Variants in ZNF395 observed in about 807,000 individuals in gnomAD.
ZNF395 encodes HD gene regulatory region-binding protein 2.
In ZNF395, 20 loss-of-function variants were observed where a neutral mutation model predicts 57.7. The ratio of observed to expected loss-of-function variants is 0.35; its 90% CI spans 0.24 to 0.50. The LOEUF (loss-of-function observed/expected upper bound fraction) is 0.50. Among genes scored for constraint, ZNF395 ranks in the 20% least tolerant of loss-of-function variants. The probability of loss-of-function intolerance (pLI) is 0.97; values close to 1 mark genes in which losing one functional copy is unlikely to be tolerated. For missense variants in ZNF395, 606 were observed against 671.2 expected (o/e 0.90, Z 1.07); for synonymous variants, 295 against 275.9 (o/e 1.07, Z -0.69).
intron 1 of ZNF395, among the ~76,000 whole-genome samples, chr8:28,374,042 G>A (rs972996401): frequency 2.2e-4 from 34 of 152,250 alleles, no homozygotes; most frequent in Middle Eastern, 6.8e-3. Context: ...TGGTATCAGC[G>A]TTTTTAACAG....
intron 1 of ZNF395, among the ~76,000 whole-genome samples, chr8:28,384,560 G>C (rs1444217872): frequency 6.6e-6 from 1 of 152,172 alleles, no homozygotes. Flanking sequence ...AAGCCCTGGA[G>C]GGAGGGAATC....
In ZNF395 at chr8:28,351,472, C is replaced by G. The variant is rs752015751; in HGVS notation, c.1233+23G>C. On this transcript the variant is annotated intron_variant, in intron 7 of 9. Coordinates refer to ENST00000344423, the MANE Select transcript of ZNF395 (RefSeq NM_018660.3). ...TGATGAGTCAGCTATGAGCCTGAGC[C>G]TCCAGCGAGCCCCGCCCCATACCTG... 3.8e-6 allele frequency: 6 copies of G among 1,561,706 alleles called. No homozygotes were observed. The African/African-American group carries it at 6.8e-5, about 18-fold the overall frequency.
At chr8:28,373,692 G>A (rs535779493) in intron 1 of ZNF395, among the ~76,000 whole-genome samples, 3 of 152,238 alleles carry the variant, frequency 2.0e-5, no homozygotes, top group East Asian at 1.9e-4. Context: ...GGGTTGGGGG[G>A]CGGGAACCAG....
intron 1 of ZNF395, among the ~76,000 whole-genome samples, chr8:28,384,128 T>C (rs1302527158): frequency 2.6e-5 from 4 of 152,152 alleles, no homozygotes; most frequent in African/African-American, 9.7e-5. Flanking sequence ...CTCACTGATG[T>C]GTCCCCCTAA....
intron 4 of ZNF395, among the ~76,000 whole-genome samples, chr8:28,355,739 C>G (rs544870352): frequency 6.6e-6 from 1 of 152,224 alleles, no homozygotes; most frequent in African/African-American, 2.4e-5. Flanking sequence ...AGCTTCACAG[C>G]TAGGTGTCCT....
chr8:28,363,386 C>G (rs1229821318), intron 1 of ZNF395, among the ~76,000 whole-genome samples: 1 of 152,088 alleles, frequency 6.6e-6, no homozygotes, highest in Non-Finnish European at 1.5e-5. Context: ...CCTGCCTCAG[C>G]AGGCAGGCAG....
chr8:28,354,717 A>G (rs1019757615), intron 4 of ZNF395, among the ~76,000 whole-genome samples: 4 of 152,160 alleles, frequency 2.6e-5, no homozygotes, highest in Admixed American at 6.6e-5. Context: ...AGAGATTACT[A>G]CATGTACATG....
At chr8:28,369,298 A>G (rs1365952442) in intron 1 of ZNF395, among the ~76,000 whole-genome samples, 1 of 152,160 alleles carries the variant, frequency 6.6e-6, no homozygotes, top group African/African-American at 2.4e-5. Flanking sequence ...TTGGAACTCA[A>G]ATGTCACTTC....
At position 28,378,393 on chromosome 8, in the gene ZNF395, A is replaced by G. The variant is rs565245829; in HGVS notation, c.-59+8000T>C. Among the ~76,000 whole-genome samples, 196 of 152,196 alleles carry G rather than the reference A, an allele frequency of 1.3e-3. 2 individuals are homozygous for G. The highest frequency in any genetic ancestry group is 2.0e-3 in the Admixed American group (30 of 15,290). ...AGCTGGGACCATGGGCAGGTGTACC[A>G]TCATGCTTGGTTAATTTTTCTATTT... On this transcript the variant is annotated intron_variant, in intron 1 of 9. Transcript: ENST00000344423.
Position 28,360,801 on chromosome 8 carries a change from T to C in ZNF395, c.240+84A>G. On this transcript the variant is annotated intron_variant, in intron 2 of 9. Transcript: ENST00000344423. ...TGCACTCAAAACGGTGCCCAGAGAG[T>C]TTCCGGCCTGTCACTAGGGCACCCC... The C allele has an allele frequency of 3.2e-6, 5 of 1,546,852 alleles. No individual in the cohort carries two copies. The South Asian group carries it at 4.9e-5, about 15-fold the overall frequency.
rs780484489 is a variant in ZNF395, at chr8:28,352,454, G to A, written c.920+119C>T. The A allele has an allele frequency of 1.6e-4, 124 of 765,380 alleles. No individual in the cohort carries two copies. The highest frequency in any genetic ancestry group is 2.6e-4 in the Non-Finnish European group (119 of 460,210). 47.4% of individuals were successfully genotyped at this position (765,380 alleles called of 1,614,324 possible). A position where few individuals can be genotyped will look rare whatever the true frequency, so the allele number is the denominator to read the frequency against. ...CAGGGGGCCAGGAAGAGACACCAGG[G>A]GGTGTTCCCAGCAAGCCACGTTCCT... is the stretch of plus-strand genomic sequence containing the variant. On this transcript the variant is annotated intron_variant, in intron 6 of 9. Transcript: ENST00000344423. This position sits in a 1 kb window ranked among gnomAD's most constrained non-coding sequence, Gnocchi z 4.0.
rs1249033196 is a variant in ZNF395 at position 28,356,631 on chromosome 8, C to G, written c.583+39G>C. ...CACAGAGGATGTTTGTCGTGGGCCT[C>G]TACCATGCCCAGAACCCAGCTGGGC... On this transcript the variant is annotated intron_variant, in intron 4 of 9. Transcript: ENST00000344423. The surrounding 1 kb of genome is among the most constrained non-coding windows in gnomAD (Gnocchi z 4.0). The G allele has an allele frequency of 1.3e-6, 2 of 1,528,684 alleles. No individual in the cohort carries two copies. Among genetic ancestry groups the G allele is most frequent in the South Asian group, 1.1e-5 (1 of 88,232 alleles). The allele number at this position is 1,528,684 out of a possible 1,614,324, so 94.7% of individuals were successfully genotyped here. A position where few individuals can be genotyped will look rare whatever the true frequency, so the allele number is the denominator to read the frequency against.
At position 28,352,424 on chromosome 8, in the gene ZNF395, T is replaced by C. The variant is rs1801727510; in HGVS notation, c.920+149A>G. The C allele has an allele frequency of 1.6e-6, 1 of 628,916 alleles. No homozygotes were observed. The allele number at this position is 628,916 out of a possible 1,614,324, so 39.0% of individuals were successfully genotyped here. ...CAGCAACAATGTTCACCAGGATGTC[T>C]TTCTCAGGGGGCCAGGAAGAGACAC... is the stretch of plus-strand genomic sequence containing the variant. On this transcript the variant is annotated intron_variant, in intron 6 of 9. Coordinates refer to ENST00000344423, the MANE Select transcript of ZNF395 (RefSeq NM_018660.3). This position sits in a 1 kb window ranked among gnomAD's most constrained non-coding sequence, Gnocchi z 4.0.
Position 28,352,483 on chromosome 8 carries a change from A to G in ZNF395, c.920+90T>C. ...GTTCCCAGCAAGCCACGTTCCTGAA[A>G]GCACTGTGGGCTGTGGGTCACAGGG... On this transcript the variant is annotated intron_variant, in intron 6 of 9. Transcript: ENST00000344423. The surrounding 1 kb of genome is among the most constrained non-coding windows in gnomAD (Gnocchi z 4.0). 1 of 1,154,604 alleles carries G rather than the reference A, an allele frequency of 8.7e-7. No homozygotes were observed. Among genetic ancestry groups the G allele is most frequent in the Non-Finnish European group, 1.3e-6 (1 of 788,014 alleles). 71.5% of individuals were successfully genotyped at this position (1,154,604 alleles called of 1,614,324 possible).
In ZNF395 at chr8:28,352,604, T is replaced by G; in HGVS notation, c.889A>C (p.Ile297Leu). The part of the protein sequence containing the change: ...CGKVLRSIVG[I>L]KRHVKALHLG... ...TGGAGGGCTTTGACGTGTCGTTTGA[T>G]GCCCACAATGGAGCGCAGAACTTTG... Residue 297 changes from isoleucine to leucine, a missense_variant, in exon 6 of 10, where the codon ATC becomes CTC. Coordinates refer to ENST00000344423, the MANE Select transcript of ZNF395 (RefSeq NM_018660.3). The surrounding 1 kb of genome is among the most constrained non-coding windows in gnomAD (Gnocchi z 4.0). 1 of 1,614,196 alleles carries G rather than the reference T, an allele frequency of 6.2e-7. No individual in the cohort carries two copies. The highest frequency in any genetic ancestry group is 8.5e-7 in the Non-Finnish European group (1 of 1,180,026).
At chr8:28,369,376 C>G (rs1276295110) in intron 1 of ZNF395, among the ~76,000 whole-genome samples, 1 of 152,142 alleles carries the variant, frequency 6.6e-6, no homozygotes, top group African/African-American at 2.4e-5. Flanking sequence ...AGGATGAGAG[C>G]TACCTGGTGA....
chr8:28,350,224 C>T, intron 7 of ZNF395, 68 bp from the exon 8 acceptor site: 1 of 1,340,666 alleles, frequency 7.5e-7, no homozygotes, highest in South Asian at 1.3e-5. Flanking sequence ...CCACAATCCC[C>T]ACAGCCTCAT....
chr8:28,372,693 G>T (rs930441290), intron 1 of ZNF395, among the ~76,000 whole-genome samples: 7 of 152,200 alleles, frequency 4.6e-5, no homozygotes, highest in Non-Finnish European at 7.3e-5. Flanking sequence ...AGGCTGAGGT[G>T]GGAGGATCAC....
Position 28,359,184 on chromosome 8 carries a change from G to A in ZNF395, c.473+408C>T, listed in dbSNP as rs1335662773. Among the ~76,000 whole-genome samples the A allele has an allele frequency of 6.6e-6, 1 of 152,184 alleles. No homozygotes were observed. The highest frequency in any genetic ancestry group is 1.5e-5 in the Non-Finnish European group (1 of 68,014). On this transcript the variant is annotated intron_variant, in intron 3 of 9. Coordinates refer to ENST00000344423, the MANE Select transcript of ZNF395 (RefSeq NM_018660.3). The surrounding 1 kb of genome is among the most constrained non-coding windows in gnomAD (Gnocchi z 4.7). ...GGCCAAGGCAGGTGGATCACCAGAG[G>A]TCGGGAGTTTGAGACCAGCCTGACC...
Sources: gnomAD v4.1 joint callset for allele counts (sites outside exome capture counted in the v4.1 genomes callset) on GRCh38, gnomAD v4.1.1 for gene constraint, Gnocchi (gnomAD v3.1) non-coding constraint, MANE v1.5 for transcripts, NCBI Gene and HGNC (gene_info 2026-07-23, HGNC 2026-07-21) for gene names.